Variants in PLXDC2 observed in about 807,000 individuals in gnomAD.
PLXDC2 encodes plexin domain containing 2, also known as plexin domain-containing protein 2.
PLXDC2 carries 40 observed loss-of-function variants against 68.9 expected under a neutral mutation model. That is an observed-to-expected ratio of 0.58 (90% confidence interval 0.45 to 0.76). PLXDC2 has a LOEUF of 0.76. Ranked by LOEUF, PLXDC2 falls within the 30% of genes least tolerant of loss-of-function variation. PLXDC2 has a pLI of 0.00. For missense variants in PLXDC2, 644 were observed against 661.9 expected (o/e 0.97, Z 0.30); for synonymous variants, 243 against 234.2 (o/e 1.04, Z -0.34).
At chr10:19,941,455 TATG>T (rs1163262920) in intron 1 of PLXDC2, among the ~76,000 whole-genome samples, 1 of 152,318 alleles carries the variant, frequency 6.6e-6, no homozygotes, top group East Asian at 1.9e-4. Flanking sequence ...CACAGCAAGA[TATG>T]ATGGGCAGAG....
At chr10:20,189,771 A>T (rs1418439216) in intron 9 of PLXDC2, among the ~76,000 whole-genome samples, 1 of 151,162 alleles carries the variant, frequency 6.6e-6, no homozygotes, top group Non-Finnish European at 1.5e-5. Context: ...TGAACTCTGT[A>T]TATTTATAGC....
chr10:20,249,077 AGTG>A (rs1248909221), intron 13 of PLXDC2, among the ~76,000 whole-genome samples: 1 of 152,210 alleles, frequency 6.6e-6, no homozygotes, highest in African/African-American at 2.4e-5. Context: ...CATTTAACAC[AGTG>A]GTGATTTCAC....
intron 12 of PLXDC2, among the ~76,000 whole-genome samples, chr10:20,227,191 G>A (rs1311905283): frequency 6.6e-6 from 1 of 151,996 alleles, no homozygotes; most frequent in Non-Finnish European, 1.5e-5. Flanking sequence ...CCATTGTTAG[G>A]TGATGCAGAT....
chr10:19,829,154 CTTT>C (rs71388870), intron 1 of PLXDC2, among the ~76,000 whole-genome samples: 3 of 94,418 alleles, frequency 3.2e-5, no homozygotes, highest in African/African-American at 4.4e-5. Flanking sequence ...ACGCTTTCCT[CTTT>C]TTTTTTTTTT....
chr10:19,999,230 G>A (rs1240145838), intron 1 of PLXDC2, among the ~76,000 whole-genome samples: 1 of 152,128 alleles, frequency 6.6e-6, no homozygotes, highest in Admixed American at 6.5e-5. Context: ...GGGTATTCCA[G>A]AAAGTTCTGT....
intron 13 of PLXDC2, among the ~76,000 whole-genome samples, chr10:20,273,371 T>C (rs1285651146): frequency 1.3e-5 from 2 of 152,230 alleles, no homozygotes; most frequent in African/African-American, 4.8e-5. Context: ...CCTTTCATGA[T>C]TATTACTGAA....
chr10:19,877,299 T>TTGTC (rs1837650051), intron 1 of PLXDC2, among the ~76,000 whole-genome samples: 1 of 152,130 alleles, frequency 6.6e-6, no homozygotes, highest in African/African-American at 2.4e-5. Flanking sequence ...AACTGGGACT[T>TTGTC]GACAAAGTTT....
intron 2 of PLXDC2, among the ~76,000 whole-genome samples, chr10:20,017,141 G>C (rs7095635): frequency 6.6e-6 from 1 of 152,172 alleles, no homozygotes; most frequent in Non-Finnish European, 1.5e-5. Flanking sequence ...ACTGATTCCC[G>C]TTGGTGTCAG....
chr10:20,129,060 G>A (rs1051252937), intron 4 of PLXDC2, among the ~76,000 whole-genome samples: 14 of 152,024 alleles, frequency 9.2e-5, no homozygotes, highest in South Asian at 6.2e-4. Context: ...AATCCTCTGC[G>A]TTATTTCCAT....
At chr10:20,098,091 G>T (rs973321949) in intron 4 of PLXDC2, among the ~76,000 whole-genome samples, 2 of 151,838 alleles carry the variant, frequency 1.3e-5, no homozygotes, top group Non-Finnish European at 2.9e-5. Context: ...GGGCGGTACG[G>T]CTGCTGTAAC....
intron 2 of PLXDC2, among the ~76,000 whole-genome samples, chr10:20,007,886 G>C (rs756417833): frequency 6.6e-6 from 1 of 152,120 alleles, no homozygotes; most frequent in Non-Finnish European, 1.5e-5. Context: ...TCTCATTCTG[G>C]TACCTAATTA....
chr10:20,000,305 A>G (rs1834913733), intron 1 of PLXDC2, among the ~76,000 whole-genome samples: 2 of 150,068 alleles, frequency 1.3e-5, no homozygotes, highest in Non-Finnish European at 3.0e-5. Context: ...TTTAGCCTCT[A>G]ACAATTCAAT....
At chr10:20,277,277 G>GCAGAC (rs1381928453) in intron 13 of PLXDC2, among the ~76,000 whole-genome samples, 1 of 149,592 alleles carries the variant, frequency 6.7e-6, no homozygotes, top group Non-Finnish European at 1.5e-5. Flanking sequence ...CTGACCACAT[G>GCAGAC]CAGACTGACA....
At chr10:20,136,084 G>T (rs1383917153) in intron 4 of PLXDC2, among the ~76,000 whole-genome samples, 1 of 152,110 alleles carries the variant, frequency 6.6e-6, no homozygotes, top group East Asian at 1.9e-4. Context: ...AGGAACCAGA[G>T]ATTAGTAAAC....
At chr10:20,028,030 C>T (rs1193990898) in intron 2 of PLXDC2, among the ~76,000 whole-genome samples, 2 of 152,216 alleles carry the variant, frequency 1.3e-5, no homozygotes, top group Non-Finnish European at 2.9e-5. Flanking sequence ...GAAATTCTTA[C>T]ATTTTGATCA....
intron 2 of PLXDC2, among the ~76,000 whole-genome samples, chr10:20,004,269 C>A (rs1371390554): frequency 6.6e-6 from 1 of 152,132 alleles, no homozygotes; most frequent in Non-Finnish European, 1.5e-5. Flanking sequence ...ATTATGTGGC[C>A]ATGGTGTTGG....
intron 1 of PLXDC2, among the ~76,000 whole-genome samples, chr10:19,833,507 C>T (rs1407507238): frequency 1.3e-5 from 2 of 152,202 alleles, no homozygotes; most frequent in East Asian, 1.9e-4. Flanking sequence ...TAAAAGAACA[C>T]TCAAGGAGTT....
At chr10:20,003,154 A>G (rs1834970390) in intron 2 of PLXDC2, among the ~76,000 whole-genome samples, 1 of 152,154 alleles carries the variant, frequency 6.6e-6, no homozygotes, top group South Asian at 2.1e-4. Flanking sequence ...AGCACTGCAA[A>G]TCACAAAATA....
intron 2 of PLXDC2, among the ~76,000 whole-genome samples, chr10:20,043,980 A>G (rs1419649091): frequency 3.3e-5 from 5 of 152,142 alleles, no homozygotes; most frequent in African/African-American, 1.2e-4. Context: ...TTCGTTGACC[A>G]TAACCTAATT....
Sources: allele counts gnomAD v4.1 joint callset (sites outside exome capture counted in the v4.1 genomes callset), GRCh38; gene constraint gnomAD v4.1.1; transcripts MANE v1.5; gene names NCBI Gene and HGNC (gene_info 2026-07-23, HGNC 2026-07-21).